The following SLC8A1 variants were observed in gnomAD, a reference collection of about 807,000 sequenced individuals.
SLC8A1 encodes solute carrier family 8 member A1, also known as sodium/calcium exchanger 1.
A neutral mutation model predicts 68.3 loss-of-function variants in SLC8A1; 18 were observed. The observed-to-expected ratio is 0.26, with a 90% CI of 0.18 to 0.39. SLC8A1 has a LOEUF of 0.39. Among genes scored for constraint, SLC8A1 ranks in the 10% least tolerant of loss-of-function variants. The pLI is 1.00. For synonymous variants in SLC8A1, 475 were observed against 415.5 expected (o/e 1.14, Z -1.74); for missense variants, 985 against 1,156.7 (o/e 0.85, Z 2.15).
intron 1 of SLC8A1, among the ~76,000 whole-genome samples, chr2:40,467,662 G>A (rs182214384): frequency 2.0e-5 from 3 of 152,002 alleles, no homozygotes; most frequent in Admixed American, 6.6e-5. Context: ...GCATAGTGTC[G>A]GTCTTGTTAT....
intron 2 of SLC8A1, among the ~76,000 whole-genome samples, chr2:40,232,279 G>T (rs570414179): frequency 2.0e-5 from 3 of 152,256 alleles, no homozygotes; most frequent in South Asian, 4.1e-4. Context: ...GAAGGCAGAA[G>T]AAATCAGGGG....
At chr2:40,332,379 A>T (rs996068533) in intron 2 of SLC8A1, among the ~76,000 whole-genome samples, 1 of 137,130 alleles carries the variant, frequency 7.3e-6, no homozygotes, top group Non-Finnish European at 1.5e-5. Context: ...ACATAATTCA[A>T]TTCAAACAGT....
At chr2:40,489,926 C>T (rs1705207211) in intron 1 of SLC8A1, among the ~76,000 whole-genome samples, 1 of 152,044 alleles carries the variant, frequency 6.6e-6, no homozygotes, top group African/African-American at 2.4e-5. Flanking sequence ...GATTTTACAA[C>T]CTGATATGAA....
At chr2:40,098,742 T>A (rs1262884960) in exon 8 of SLC8A1, 1 of 152,064 alleles carries the variant, frequency 6.6e-6, no homozygotes, top group African/African-American at 2.4e-5. Context: ...ACAAGGCTTC[T>A]GTGTACTACA....
intron 2 of SLC8A1, among the ~76,000 whole-genome samples, chr2:40,214,637 C>A (rs190633708): frequency 1.3e-5 from 2 of 151,438 alleles, no homozygotes; most frequent in Non-Finnish European, 2.9e-5. Context: ...TTAGTAGACA[C>A]GGGGTTTCGC....
At chr2:40,344,506 G>A (rs1268183032) in intron 2 of SLC8A1, among the ~76,000 whole-genome samples, 2 of 152,090 alleles carry the variant, frequency 1.3e-5, no homozygotes, top group Admixed American at 6.6e-5. Flanking sequence ...CTTTGGTTCT[G>A]GGAAAGTTCA....
intron 1 of SLC8A1, among the ~76,000 whole-genome samples, chr2:40,481,003 T>C (rs1704591189): frequency 6.6e-6 from 1 of 152,146 alleles, no homozygotes; most frequent in Non-Finnish European, 1.5e-5. Flanking sequence ...TCCTTTAATG[T>C]GGGAGAAGAA....
intron 2 of SLC8A1, among the ~76,000 whole-genome samples, chr2:40,209,650 G>A (rs959363819): frequency 6.6e-6 from 1 of 152,140 alleles, no homozygotes; most frequent in Non-Finnish European, 1.5e-5. Context: ...AAGGATGATG[G>A]TGCCTCAGGA....
At chr2:40,269,127 G>T (rs899933173) in intron 2 of SLC8A1, among the ~76,000 whole-genome samples, 2 of 152,182 alleles carry the variant, frequency 1.3e-5, no homozygotes, top group African/African-American at 4.8e-5. Context: ...AAGGCTTCCA[G>T]AACTCAACTC....
intron 2 of SLC8A1, among the ~76,000 whole-genome samples, chr2:40,374,899 C>T: frequency 6.6e-6 from 1 of 152,056 alleles, no homozygotes; most frequent in Non-Finnish European, 1.5e-5. Flanking sequence ...TAAAAGTACT[C>T]GTCAATATCC....
At chr2:40,102,562 G>C (rs1302235547) in exon 8 of SLC8A1, 1 of 152,128 alleles carries the variant, frequency 6.6e-6, no homozygotes, top group African/African-American at 2.4e-5. Context: ...GTCAATCCAA[G>C]AGGCGGGATT....
chr2:40,199,307 T>C (rs560782743), intron 2 of SLC8A1, among the ~76,000 whole-genome samples: 3 of 151,716 alleles, frequency 2.0e-5, no homozygotes, highest in Non-Finnish European at 4.4e-5. Context: ...CAATGTTGGA[T>C]CACTGGCTTG....
intron 2 of SLC8A1, among the ~76,000 whole-genome samples, chr2:40,311,531 T>C (rs775847949): frequency 1.3e-4 from 20 of 152,122 alleles, no homozygotes; most frequent in Non-Finnish European, 2.5e-4. Flanking sequence ...AAATAAAAAC[T>C]ATAGAAGAAC....
At chr2:40,424,541 G>T (rs1167389440) in intron 2 of SLC8A1, among the ~76,000 whole-genome samples, 1 of 151,626 alleles carries the variant, frequency 6.6e-6, no homozygotes, top group Non-Finnish European at 1.5e-5. Context: ...AGCTATATTG[G>T]TTAAGATGTC....
chr2:40,329,791 C>A (rs1158068274), intron 2 of SLC8A1, among the ~76,000 whole-genome samples: 9 of 152,106 alleles, frequency 5.9e-5, no homozygotes, highest in Admixed American at 5.9e-4. Flanking sequence ...TTCCTCAATC[C>A]CATCCCACTG....
chr2:40,416,558 A>G (rs925081431), intron 2 of SLC8A1, among the ~76,000 whole-genome samples: 1 of 152,116 alleles, frequency 6.6e-6, no homozygotes, highest in Admixed American at 6.6e-5. Context: ...AGGACAGCAA[A>G]CATTTTTGAG....
intron 1 of SLC8A1, among the ~76,000 whole-genome samples, chr2:40,472,616 C>T (rs1283675415): frequency 1.3e-5 from 2 of 152,124 alleles, no homozygotes; most frequent in Non-Finnish European, 2.9e-5. Flanking sequence ...AGTCCTTTTG[C>T]TTTGGCTTCC....
intron 2 of SLC8A1, among the ~76,000 whole-genome samples, chr2:40,179,945 G>A (rs561760042): frequency 2.0e-5 from 3 of 151,990 alleles, no homozygotes; most frequent in South Asian, 2.1e-4. Flanking sequence ...ACCCAATAAC[G>A]TACTCTCTGT....
At chr2:40,098,401 A>G (rs2033700364) in exon 8 of SLC8A1, 2 of 152,022 alleles carry the variant, frequency 1.3e-5, no homozygotes, top group Admixed American at 6.6e-5. Flanking sequence ...GCACAACTTA[A>G]ATATTCTTGG....
Sources: allele counts gnomAD v4.1 joint callset (sites outside exome capture counted in the v4.1 genomes callset), GRCh38; gene constraint gnomAD v4.1.1; transcripts MANE v1.5; gene names NCBI Gene and HGNC (gene_info 2026-07-23, HGNC 2026-07-21).